PRKN: variants seen among roughly 807,000 people sequenced by gnomAD.
The protein encoded by PRKN is E3 ubiquitin-protein ligase parkin.
A neutral mutation model predicts 59.5 loss-of-function variants in PRKN; 56 were observed. The observed-to-expected ratio is 0.94, with a 90% CI of 0.76 to 1.18. PRKN has a LOEUF of 1.18. PRKN is among the 50% of genes most tolerant of loss of function. PRKN has a pLI of 0.00. For synonymous variants in PRKN, 250 were observed against 222.1 expected (o/e 1.13, Z -1.12); for missense variants, 657 against 596.4 (o/e 1.10, Z -1.06).
At chr6:161,745,328 G>A (rs903063647) in intron 7 of PRKN, among the ~76,000 whole-genome samples, 2 of 152,170 alleles carry the variant, frequency 1.3e-5, no homozygotes, top group Admixed American at 1.3e-4. Flanking sequence ...CCAGAGCCTT[G>A]GAGTAGTTCT....
rs1781335574 is a variant in PRKN at position 161,581,430 on chromosome 6, A to G, written c.872-12014T>C. Reference sequence around the variant, plus strand: ...AAATGTCAATTAACTACCATGCCCAATAAGTACATAAGCAAAAGGAGTTTT... The same window carrying G: ...AAATGTCAATTAACTACCATGCCCAGTAAGTACATAAGCAAAAGGAGTTTT... On this transcript the variant is annotated intron_variant, in intron 7 of 11. Coordinates refer to ENST00000366898, the MANE Select transcript of PRKN (RefSeq NM_004562.3). This position sits in a 1 kb window ranked among gnomAD's most constrained non-coding sequence, Gnocchi z 4.5. Among the ~76,000 whole-genome samples the G allele has an allele frequency of 6.6e-6, 1 of 152,216 alleles. No individual in the cohort carries two copies. The highest frequency in any genetic ancestry group is 2.1e-4 in the South Asian group (1 of 4,826).
At position 161,503,868 on chromosome 6, in the gene PRKN, T is replaced by C. The variant is rs866208132; in HGVS notation, c.1083+44986A>G. 6.6e-6 allele frequency among the ~76,000 whole-genome samples: 1 copy of C among 152,146 alleles called. No individual in the cohort carries two copies. Among genetic ancestry groups the C allele is most frequent in the Admixed American group, 6.5e-5 (1 of 15,278 alleles). ...CAGGCTTCTATTCTGATAATGATGA[T>C]TATATCACCACCAGAGTCCCCTTCA... On this transcript the variant is annotated intron_variant, in intron 9 of 11. Coordinates refer to ENST00000366898, the MANE Select transcript of PRKN (RefSeq NM_004562.3). The surrounding 1 kb of genome is among the most constrained non-coding windows in gnomAD (Gnocchi z 5.1).
In PRKN at chr6:161,757,833, A is replaced by ATCTCTCTCCCTCTCTCTCTCTCTC. The variant is rs1554301288; in HGVS notation, c.871+27938_871+27939insGAGAGAGAGAGAGAGGGAGAGAGA. On this transcript the variant is annotated intron_variant, in intron 7 of 11. Coordinates refer to ENST00000366898, the MANE Select transcript of PRKN (RefSeq NM_004562.3). ...AGCCTGGGCAATAGAGCAAAACTCC[A>ATCTCTCTCCCTCTCTCTCTCTCTC]TCTCTCTCTCTCTCTCTCTCTCTCT... is the stretch of plus-strand genomic sequence containing the variant. 1.1e-3 allele frequency among the ~76,000 whole-genome samples: 41 copies of ATCTCTCTCCCTCTCTCTCTCTCTC among 37,632 alleles called. 1 individual carries two copies. The highest frequency in any genetic ancestry group is 1.7e-3 in the African/African-American group (20 of 12,088). The allele number at this position is 37,632 out of a possible 152,430, so 24.7% of individuals were successfully genotyped here. A position where few individuals can be genotyped will look rare whatever the true frequency, so the allele number is the denominator to read the frequency against.
At chr6:162,085,480 C>A (rs75326086) in intron 4 of PRKN, among the ~76,000 whole-genome samples, 2 of 151,936 alleles carry the variant, frequency 1.3e-5, no homozygotes, top group Non-Finnish European at 2.9e-5. Context: ...AAATCAAACA[C>A]GAGTGAGATT....
intron 1 of PRKN, among the ~76,000 whole-genome samples, chr6:162,549,943 C>T (rs952885711): frequency 1.5e-4 from 23 of 152,216 alleles, no homozygotes; most frequent in South Asian, 1.5e-3. Flanking sequence ...AGCCAATAAT[C>T]TCTTTAATAG....
intron 6 of PRKN, among the ~76,000 whole-genome samples, chr6:161,956,297 G>C (rs1441272584): frequency 6.6e-6 from 1 of 152,164 alleles, no homozygotes; most frequent in East Asian, 1.9e-4. Context: ...CTAACTCAGC[G>C]GGTGTCCTTG....
Position 162,161,533 on chromosome 6 carries a change from C to T in PRKN, c.534+39598G>A, listed in dbSNP as rs141603078. On this transcript the variant is annotated intron_variant, in intron 4 of 11. Transcript: ENST00000366898. ...CACTCTGAGTAGCATGATGAAATCT[C>T]ACGCCACCTTGCTCTGTCCTGCCTA... Among the ~76,000 whole-genome samples the T allele has an allele frequency of 1.6e-3, 251 of 152,278 alleles. No homozygotes were observed. In the Middle Eastern group the frequency reaches 0.031, roughly 19 times the overall value.
chr6:161,725,816 C>A (rs1373619599), intron 7 of PRKN, among the ~76,000 whole-genome samples: 1 of 152,178 alleles, frequency 6.6e-6, no homozygotes, highest in Non-Finnish European at 1.5e-5. Flanking sequence ...GATCCCAGTA[C>A]CATGCCTGGC....
At chr6:162,531,763 C>G (rs1382580821) in intron 1 of PRKN, among the ~76,000 whole-genome samples, 1 of 152,052 alleles carries the variant, frequency 6.6e-6, no homozygotes, top group Non-Finnish European at 1.5e-5. Context: ...CAAAGGCAAT[C>G]TAGTCCCCAG....
rs1223674460 is a variant in PRKN at position 161,355,508 on chromosome 6, TC to T, written c.1285+4579del. On this transcript the variant is annotated intron_variant, in intron 11 of 11. Transcript: ENST00000366898. The surrounding 1 kb of genome is among the most constrained non-coding windows in gnomAD (Gnocchi z 6.8). ...CCTCCACCTCCTGGGTTCAACCAAT[TC>T]TTGTGTCTCGGCCTCCCGAGTAGCT... 1.3e-5 allele frequency among the ~76,000 whole-genome samples: 2 copies of T among 152,108 alleles called. No homozygotes were observed. The highest frequency in any genetic ancestry group is 2.9e-5 in the Non-Finnish European group (2 of 68,020).
chr6:162,141,130 C>T (rs1781761672), intron 4 of PRKN, among the ~76,000 whole-genome samples: 1 of 150,212 alleles, frequency 6.7e-6, no homozygotes, highest in Non-Finnish European at 1.5e-5. Context: ...ACCCTGTCAC[C>T]AAAATAAATA....
intron 1 of PRKN, among the ~76,000 whole-genome samples, chr6:162,620,443 A>G (rs1782617496): frequency 6.6e-6 from 1 of 152,144 alleles, no homozygotes; most frequent in Non-Finnish European, 1.5e-5. Flanking sequence ...CATAAGCAAC[A>G]TTTCTAGCAT....
At chr6:161,555,868 T>G (rs1489003948) in intron 8 of PRKN, among the ~76,000 whole-genome samples, 1 of 152,234 alleles carries the variant, frequency 6.6e-6, no homozygotes, top group Non-Finnish European at 1.5e-5. Context: ...ATAATTCTAA[T>G]AAGATAATCA....
intron 1 of PRKN, among the ~76,000 whole-genome samples, chr6:162,598,849 T>C (rs1311319204): frequency 6.3e-5 from 5 of 79,298 alleles, no homozygotes; most frequent in Non-Finnish European, 1.1e-4. Context: ...TGAGATTCTG[T>C]CACCAAAAAA....
At chr6:162,399,978 G>C (rs1345463300) in intron 2 of PRKN, among the ~76,000 whole-genome samples, 1 of 152,164 alleles carries the variant, frequency 6.6e-6, no homozygotes, top group African/African-American at 2.4e-5. Context: ...GGCCAAAGTG[G>C]GCGGATCACC....
intron 5 of PRKN, among the ~76,000 whole-genome samples, chr6:161,984,343 C>T (rs947135746): frequency 4.5e-4 from 68 of 152,106 alleles, no homozygotes; most frequent in African/African-American, 1.6e-3. Context: ...CCGCAACCTC[C>T]GTCCCGTGGG....
At chr6:161,849,264 C>T (rs571165473) in intron 6 of PRKN, among the ~76,000 whole-genome samples, 4 of 152,246 alleles carry the variant, frequency 2.6e-5, no homozygotes, top group African/African-American at 9.6e-5. Context: ...TGGTCCAGTC[C>T]ACAGGTGCCA....
intron 7 of PRKN, among the ~76,000 whole-genome samples, chr6:161,638,029 T>C (rs545797959): frequency 6.6e-6 from 1 of 152,214 alleles, no homozygotes; most frequent in African/African-American, 2.4e-5. Flanking sequence ...TGGGCCAGGG[T>C]ATTTTTTTTC....
chr6:161,901,364 G>A (rs1777910089), intron 6 of PRKN, among the ~76,000 whole-genome samples: 1 of 152,162 alleles, frequency 6.6e-6, no homozygotes. Context: ...GGATAAATCA[G>A]TCCTGCCTGG....
Sources: gnomAD v4.1 joint callset for allele counts (sites outside exome capture counted in the v4.1 genomes callset) on GRCh38, gnomAD v4.1.1 for gene constraint, Gnocchi (gnomAD v3.1) non-coding constraint, MANE v1.5 for transcripts, NCBI Gene and HGNC (gene_info 2026-07-23, HGNC 2026-07-21) for gene names.